The following AKAP11 variants were observed in gnomAD, a reference collection of about 807,000 sequenced individuals.
AKAP11 encodes the protein A-kinase anchoring protein 11.
Under a neutral mutation model 146.1 loss-of-function variants are expected in AKAP11, and 36 were observed. The observed-to-expected ratio is 0.25, with a 90% CI of 0.19 to 0.33. AKAP11 has a LOEUF of 0.33. AKAP11 is among the 10% of genes least tolerant of loss of function. The pLI, the probability that AKAP11 is intolerant of heterozygous loss-of-function variation, is 1.00. For synonymous variants in AKAP11, 780 were observed against 786.5 expected, an observed-to-expected ratio of 0.99 and a Z score of 0.14; for missense variants, 2,201 against 2,197.0, an observed-to-expected ratio of 1.00 and a Z score of -0.04.
rs770103683 is a variant in AKAP11, at chr13:42,286,418, G to T, written c.51+19G>T. 7.7e-6 allele frequency: 12 copies of T among 1,554,236 alleles called. No individual in the cohort carries two copies. In the East Asian group the frequency reaches 2.6e-4, roughly 33 times the overall value. Reference sequence around the variant, plus strand: ...CAGAAAAGTAAGTTCACTCTATTAGGTTTCTTTTAGTGAAAGTTTTAATTA... The same window carrying T: ...CAGAAAAGTAAGTTCACTCTATTAGTTTTCTTTTAGTGAAAGTTTTAATTA... On this transcript the variant is annotated intron_variant, in intron 3 of 12. Transcript: ENST00000025301.
At position 42,301,982 on chromosome 13, in the gene AKAP11, G is replaced by A; in HGVS notation, c.3236G>A (p.Cys1079Tyr). 1.2e-6 allele frequency: 2 copies of A among 1,614,100 alleles called. No individual in the cohort carries two copies. The highest frequency in any genetic ancestry group is 8.5e-7 in the Non-Finnish European group (1 of 1,179,990). Residue 1079 changes from cysteine to tyrosine, a missense_variant, in exon 8 of 13, where the codon TGT becomes TAT. By Grantham distance (194) the Cys-to-Tyr change is radical (BLOSUM62 -2). Around this residue, in one of 3 missense-constraint regions of AKAP11, gnomAD observed 1,867 missense variants for 1,833.5 expected, o/e 1.02. Coordinates refer to ENST00000025301, the MANE Select transcript of AKAP11 (RefSeq NM_016248.4). ...SHTFSSTALT[C>Y]VDGLHVEDKQ... The stretch of plus-strand genomic sequence containing the variant: ...ACTTTCTCATCTACAGCACTTACCT[G>A]TGTAGATGGTTTGCATGTGGAAGAT...
intron 1 of AKAP11, among the ~76,000 whole-genome samples, chr13:42,280,246 C>T (rs1722004742): frequency 6.6e-6 from 1 of 152,152 alleles, no homozygotes. Flanking sequence ...TCCCTGTTGT[C>T]TGATGTTTAA....
intron 8 of AKAP11, among the ~76,000 whole-genome samples, chr13:42,307,739 G>A (rs1054822964): frequency 6.6e-6 from 1 of 152,126 alleles, no homozygotes; most frequent in African/African-American, 2.4e-5. Context: ...TATAAGAGGG[G>A]ACAGGCAGTA....
At chr13:42,287,874 C>A (rs779587788) in intron 3 of AKAP11, among the ~76,000 whole-genome samples, 2 of 152,152 alleles carry the variant, frequency 1.3e-5, no homozygotes, top group African/African-American at 2.4e-5. Context: ...ATATTTACCC[C>A]ATACATTGCC....
intron 8 of AKAP11, 93 bp from the exon 9 acceptor site, chr13:42,308,361 T>G: frequency 9.1e-7 from 1 of 1,097,580 alleles, no homozygotes; most frequent in Non-Finnish European, 1.3e-6. Context: ...CATTTCTTGT[T>G]TTTATCATCT....
chr13:42,300,418 G>T lies in AKAP11; in HGVS notation c.1672G>T (p.Val558Leu), dbSNP rs775416790. The part of the protein sequence containing the change: ...DSIQKFAADL[V>L]EKSFGSAFKD... The stretch of plus-strand genomic sequence containing the variant: ...CATTCAAAAATTTGCAGCAGATCTT[G>T]TGGAAAAAAGTTTTGGCAGTGCATT... Residue 558 changes from valine (V) to leucine (L), a missense_variant, in exon 8 of 13, where the codon GTG becomes TTG. Physicochemically the swap from Val to Leu is conservative, Grantham distance 32. Transcript: ENST00000025301. 10 of 1,613,014 alleles carry T rather than the reference G, an allele frequency of 6.2e-6. No homozygotes were observed. The highest frequency in any genetic ancestry group is 8.5e-6 in the Non-Finnish European group (10 of 1,179,802).
chr13:42,277,985 A>T (rs1958969074), intron 1 of AKAP11, among the ~76,000 whole-genome samples: 1 of 152,180 alleles, frequency 6.6e-6, no homozygotes, highest in African/African-American at 2.4e-5. Flanking sequence ...TTGCTCCCCA[A>T]GGAAATGTTT....
At chr13:42,312,493 A>G (rs1566291426) in intron 9 of AKAP11, among the ~76,000 whole-genome samples, 1 of 152,228 alleles carries the variant, frequency 6.6e-6, no homozygotes, top group Non-Finnish European at 1.5e-5. Context: ...GATAATTGAC[A>G]TAATAGTATT....
At chr13:42,317,505 T>C (rs1960875461) in intron 11 of AKAP11, 23 bp from the exon 12 acceptor site, 1 of 1,601,820 alleles carries the variant, frequency 6.2e-7, no homozygotes, top group East Asian at 2.2e-5. Flanking sequence ...TTTTACTTTA[T>C]ATTGTTTACA....
rs766919308 is a variant in AKAP11 at position 42,313,122 on chromosome 13, A to G, written c.5349A>G (p.Thr1783=). Residue 1783 remains threonine (T), a synonymous_variant, in exon 10 of 13, where the codon ACA becomes ACG. Transcript: ENST00000025301. ...ATGAGGACAATTTATCCTTTCCAAC[A>G]TCAGACAGGTTGGTCCAGTCTAGAA... ...DLYEDNLSFP[T]SDSDGPDDKD... is the part of the protein sequence containing the mutation. 1.2e-6 allele frequency: 2 copies of G among 1,612,272 alleles called. No individual in the cohort carries two copies. The highest frequency in any genetic ancestry group is 1.3e-5 in the African/African-American group (1 of 74,842).
At position 42,302,413 on chromosome 13, in the gene AKAP11, A is replaced by G. The variant is rs776832416; in HGVS notation, c.3667A>G (p.Ile1223Val). Residue 1223 changes from isoleucine to valine, a missense_variant, in exon 8 of 13, where the codon ATT becomes GTT. Physicochemically the swap from Ile to Val is conservative, Grantham distance 29. Around this residue, in one of 3 missense-constraint regions of AKAP11, gnomAD observed 1,867 missense variants for 1,833.5 expected, o/e 1.02. Transcript: ENST00000025301. Reference sequence around the variant, plus strand: ...AGCTTCCCATTTAGATAACAAAATAATTCAAGAACCCAAGGTTAAAAACCC... The same window carrying G: ...AGCTTCCCATTTAGATAACAAAATAGTTCAAGAACCCAAGGTTAAAAACCC... The part of the protein sequence containing the change: ...MAASHLDNKI[I>V]QEPKVKNPCL... 6.2e-7 allele frequency: 1 copy of G among 1,614,178 alleles called. No homozygotes were observed. Among genetic ancestry groups the G allele is most frequent in the Non-Finnish European group, 8.5e-7 (1 of 1,180,036 alleles).
chr13:42,301,436 C>G lies in AKAP11; in HGVS notation c.2690C>G (p.Thr897Arg). The change falls in exon 8 of 13, where the codon ACA (threonine) becomes AGA (arginine). Residue 897 changes from threonine to arginine, a missense_variant. Thr to Arg is a moderately conservative substitution (Grantham distance 71). Coordinates refer to ENST00000025301, the MANE Select transcript of AKAP11 (RefSeq NM_016248.4). Reference sequence around the variant, plus strand: ...GAGTCAATGACATCATTGGAAGTTACAAAAATGGTTGATGAACGTACAGAT... The same window carrying G: ...GAGTCAATGACATCATTGGAAGTTAGAAAAATGGTTGATGAACGTACAGAT... Reference protein sequence around the residue: ...TLESMTSLEVTKMVDERTDYL... With the variant: ...TLESMTSLEVRKMVDERTDYL... The G allele has an allele frequency of 1.2e-6, 2 of 1,612,896 alleles. No homozygotes were observed. Among genetic ancestry groups the G allele is most frequent in the Non-Finnish European group, 1.7e-6 (2 of 1,179,674 alleles).
intron 1 of AKAP11, among the ~76,000 whole-genome samples, chr13:42,280,635 C>T (rs936812712): frequency 1.3e-5 from 2 of 152,130 alleles, no homozygotes; most frequent in African/African-American, 4.8e-5. Context: ...GAACTTACAA[C>T]AGGAGGGAAG....
At chr13:42,304,822 C>G (rs1960167485) in intron 8 of AKAP11, among the ~76,000 whole-genome samples, 1 of 151,802 alleles carries the variant, frequency 6.6e-6, no homozygotes, top group Admixed American at 6.6e-5. Context: ...ACAATCTCAG[C>G]TCACTGCAAC....
chr13:42,304,653 T>TA (rs1014769204), intron 8 of AKAP11, among the ~76,000 whole-genome samples: 40 of 152,358 alleles, frequency 2.6e-4, no homozygotes, highest in African/African-American at 9.6e-4. Flanking sequence ...TTTACATACT[T>TA]ACACCATTTC....
intron 1 of AKAP11, among the ~76,000 whole-genome samples, chr13:42,280,660 C>A (rs1371158649): frequency 6.6e-6 from 1 of 152,132 alleles, no homozygotes. Flanking sequence ...CAAACAGTGG[C>A]ACCAGAGGAT....
chr13:42,281,222 T>C (rs764710175), intron 1 of AKAP11, among the ~76,000 whole-genome samples: 69 of 152,194 alleles, frequency 4.5e-4, no homozygotes, highest in Admixed American at 1.2e-3. Context: ...TAACAAGTTA[T>C]GAAATAATTT....
Position 42,299,894 on chromosome 13 carries a change from C to T in AKAP11, c.1148C>T (p.Ser383Leu). The T allele has an allele frequency of 2.5e-6, 4 of 1,613,918 alleles. No individual in the cohort carries two copies. The highest frequency in any genetic ancestry group is 3.4e-6 in the Non-Finnish European group (4 of 1,179,874). ...AACAAAGATCCCGTCATAGGGAAGT[C>T]ATCGCAGAGGAAAGGGCACAAACAT... The part of the protein sequence containing the change: ...LFNKDPVIGK[S>L]SQRKGHKHGK... Residue 383 changes from serine (S) to leucine (L), a missense_variant, in exon 8 of 13, where the codon TCA becomes TTA. Ser to Leu is a moderately radical substitution (Grantham distance 145). Transcript: ENST00000025301.
At chr13:42,295,603 C>CT (rs1959464728) in intron 4 of AKAP11, 92 bp from the exon 5 acceptor site, 1 of 1,211,936 alleles carries the variant, frequency 8.3e-7, no homozygotes, top group Non-Finnish European at 1.2e-6. Context: ...CATTTTAATG[C>CT]TTTGTCTGTT....
Sources: allele counts gnomAD v4.1 joint callset (sites outside exome capture counted in the v4.1 genomes callset), GRCh38; gene constraint gnomAD v4.1.1; regional missense constraint gnomAD v4.1.1; transcripts MANE v1.5; gene names NCBI Gene and HGNC (gene_info 2026-07-23, HGNC 2026-07-21).